The following SPATA17 variants were observed in gnomAD, a reference collection of about 807,000 sequenced individuals.
The protein encoded by SPATA17 is spermatogenesis-associated protein 17.
In SPATA17, 53 loss-of-function variants were observed where a neutral mutation model predicts 62.2. The ratio of observed to expected loss-of-function variants is 0.85; its 90% CI spans 0.68 to 1.07. SPATA17 has a LOEUF of 1.07. Ranked by LOEUF, SPATA17 falls within the 50% of genes least tolerant of loss-of-function variation. SPATA17 has a pLI of 0.00. For missense variants in SPATA17, 466 were observed against 425.5 expected, an observed-to-expected ratio of 1.10 and a Z score of -0.84; for synonymous variants, 146 against 146.8, an observed-to-expected ratio of 0.99 and a Z score of 0.04.
At chr1:217,702,731 C>A (rs998077053) in intron 5 of SPATA17, among the ~76,000 whole-genome samples, 3 of 152,118 alleles carry the variant, frequency 2.0e-5, no homozygotes, top group African/African-American at 7.2e-5. Context: ...AATCCTTTGG[C>A]ATTTTTTCAG....
chr1:217,675,494 G>A (rs1358118588), intron 4 of SPATA17, among the ~76,000 whole-genome samples: 1 of 152,100 alleles, frequency 6.6e-6, no homozygotes, highest in Non-Finnish European at 1.5e-5. Flanking sequence ...CCTACGAAGA[G>A]TTCAATTGTA....
intron 8 of SPATA17, among the ~76,000 whole-genome samples, chr1:217,797,158 C>T (rs577811842): frequency 6.6e-6 from 1 of 152,124 alleles, no homozygotes; most frequent in East Asian, 1.9e-4. Context: ...TTATGAGAAC[C>T]GGGTCATCTG....
chr1:217,862,735 G>A, intron 9 of SPATA17, 39 bp from the exon 10 acceptor site: 2 of 1,363,468 alleles, frequency 1.5e-6, no homozygotes, highest in Non-Finnish European at 2.1e-6. Flanking sequence ...ATAAAATCAT[G>A]AAGATCTCTG....
intron 5 of SPATA17, among the ~76,000 whole-genome samples, chr1:217,732,697 T>G (rs2102942196): frequency 6.6e-6 from 1 of 152,280 alleles, no homozygotes; most frequent in African/African-American, 2.4e-5. Flanking sequence ...TTCACAAAGA[T>G]GAACAGAGAC....
At chr1:217,790,221 T>C (rs1198283247) in intron 8 of SPATA17, among the ~76,000 whole-genome samples, 1 of 152,116 alleles carries the variant, frequency 6.6e-6, no homozygotes, top group Admixed American at 6.5e-5. Context: ...TCTGAGCCCA[T>C]GAAAGACAAC....
intron 9 of SPATA17, among the ~76,000 whole-genome samples, chr1:217,834,987 C>T (rs779510126): frequency 1.3e-5 from 2 of 152,086 alleles, no homozygotes; most frequent in African/African-American, 2.4e-5. Context: ...CAGTTGCCTA[C>T]AGTATTCGGT....
At chr1:217,672,871 AC>A (rs1670862721) in intron 4 of SPATA17, among the ~76,000 whole-genome samples, 1 of 151,184 alleles carries the variant, frequency 6.6e-6, no homozygotes, top group Non-Finnish European at 1.5e-5. Context: ...CCACCCCACC[AC>A]CCCCTGCTCC....
chr1:217,850,755 T>C (rs548904620), intron 9 of SPATA17: 2 of 654,144 alleles, frequency 3.1e-6, no homozygotes, highest in East Asian at 3.2e-5. Context: ...TTCATACATA[T>C]AGTTTTTATT....
chr1:217,771,500 T>G (rs1673444166), intron 6 of SPATA17, among the ~76,000 whole-genome samples: 1 of 152,158 alleles, frequency 6.6e-6, no homozygotes, highest in South Asian at 2.1e-4. Flanking sequence ...TTAAGGTTGT[T>G]GTATTTATTT....
chr1:217,807,139 A>G (rs1303063069), intron 9 of SPATA17, among the ~76,000 whole-genome samples: 1 of 152,126 alleles, frequency 6.6e-6, no homozygotes, highest in African/African-American at 2.4e-5. Flanking sequence ...ATTCTAAGTG[A>G]ATTAATGCAA....
intron 5 of SPATA17, among the ~76,000 whole-genome samples, chr1:217,695,811 C>T (rs1191833527): frequency 1.2e-5 from 1 of 83,244 alleles, no homozygotes; most frequent in Non-Finnish European, 2.4e-5. Flanking sequence ...GCTCGGGGGT[C>T]AGGAGTCAGG....
intron 10 of SPATA17, among the ~76,000 whole-genome samples, chr1:217,863,643 T>TATATA (rs571787153): frequency 8.5e-4 from 130 of 152,222 alleles, no homozygotes; most frequent in Non-Finnish European, 1.7e-3. Flanking sequence ...GTTTAGAAGA[T>TATATA]ATATAAGAAT....
intron 6 of SPATA17, among the ~76,000 whole-genome samples, chr1:217,742,443 G>A (rs76128434): frequency 6.6e-6 from 1 of 152,306 alleles, no homozygotes; most frequent in Admixed American, 6.5e-5. Flanking sequence ...CAAGTTATTA[G>A]GCTGAGGTTG....
intron 9 of SPATA17, among the ~76,000 whole-genome samples, chr1:217,808,032 G>A (rs1053283952): frequency 2.6e-5 from 4 of 152,158 alleles, no homozygotes; most frequent in African/African-American, 9.7e-5. Flanking sequence ...GCATGGCACA[G>A]GAGCCTTGCA....
chr1:217,824,075 T>C (rs1027997218), intron 9 of SPATA17, among the ~76,000 whole-genome samples: 1 of 152,012 alleles, frequency 6.6e-6, no homozygotes, highest in Non-Finnish European at 1.5e-5. Context: ...ATTCAGCCAC[T>C]CTGTGGTCTT....
At chr1:217,656,074 G>T (rs1172165113) in intron 3 of SPATA17, among the ~76,000 whole-genome samples, 2 of 151,966 alleles carry the variant, frequency 1.3e-5, no homozygotes, top group East Asian at 3.9e-4. Flanking sequence ...AGTAGAGATG[G>T]GGTTTCACCA....
Position 217,871,037 on chromosome 1 carries a change from C to A in SPATA17, c.*4018C>A, listed in dbSNP as rs987789435. ...TGAATGCGTGCATTGTGGCCTGTTA[C>A]TTTTAACTAGTCTCACTAATTTATA... On this transcript the variant is annotated 3_prime_UTR_variant, in exon 11 of 11. Coordinates refer to ENST00000366933, the MANE Select transcript of SPATA17 (RefSeq NM_138796.4). 1 of 149,066 alleles carries A rather than the reference C, an allele frequency of 6.7e-6. No homozygotes were observed. Among genetic ancestry groups the A allele is most frequent in the African/African-American group, 2.4e-5 (1 of 41,208 alleles). The allele number at this position is 149,066 out of a possible 1,614,324, so 9.2% of individuals were successfully genotyped here.
At chr1:217,699,173 T>C (rs1671533689) in intron 5 of SPATA17, among the ~76,000 whole-genome samples, 1 of 152,216 alleles carries the variant, frequency 6.6e-6, no homozygotes, top group Non-Finnish European at 1.5e-5. Flanking sequence ...AACATTTGTG[T>C]ACAGATTTTA....
In SPATA17 at chr1:217,682,050, A is replaced by G. The variant is rs548156934; in HGVS notation, c.292-1208A>G. 7.9e-5 allele frequency among the ~76,000 whole-genome samples: 12 copies of G among 152,254 alleles called. No individual in the cohort carries two copies. The East Asian group carries it at 2.3e-3, about 29-fold the overall frequency. On this transcript the variant is annotated intron_variant, in intron 4 of 10. Transcript: ENST00000366933. ...TATGATACGTGAGTCATTCATACAG[A>G]TATTTAAACGGTTGGAAAATTTTAG...
Sources: gnomAD v4.1 joint callset for allele counts (sites outside exome capture counted in the v4.1 genomes callset) on GRCh38, gnomAD v4.1.1 for gene constraint, MANE v1.5 for transcripts, NCBI Gene and HGNC (gene_info 2026-07-23, HGNC 2026-07-21) for gene names.